EYS: variants seen among roughly 807,000 people sequenced by gnomAD.
EYS encodes the protein EGF-like photoreceptor maintenance factor, also known as protein eyes shut homolog.
In EYS, 250 loss-of-function variants were observed where a neutral mutation model predicts 282.1. The observed-to-expected ratio is 0.89, with a 90% CI of 0.80 to 0.98. The LOEUF is 0.98. Among genes scored for constraint, EYS ranks in the 50% least tolerant of loss-of-function variants. The probability of loss-of-function intolerance (pLI) is 0.00; values close to 1 mark genes in which losing one functional copy is unlikely to be tolerated. For missense variants in EYS, 4,016 were observed against 3,709.0 expected (o/e 1.08, Z -2.15); for synonymous variants, 1,355 against 1,282.9 (o/e 1.06, Z -1.20).
chr6:65,684,378 G>T (rs1303052473), intron 1 of EYS, among the ~76,000 whole-genome samples: 1 of 152,024 alleles, frequency 6.6e-6, no homozygotes, highest in Non-Finnish European at 1.5e-5. Flanking sequence ...TCTGTCAGAT[G>T]GTGGGAGGGG....
At chr6:64,997,089 T>C (rs1562293365) in intron 14 of EYS, among the ~76,000 whole-genome samples, 1 of 151,994 alleles carries the variant, frequency 6.6e-6, no homozygotes, top group Non-Finnish European at 1.5e-5. Flanking sequence ...AACATGCTTG[T>C]GACAAAGGTG....
intron 12 of EYS, among the ~76,000 whole-genome samples, chr6:65,087,010 A>G (rs998531458): frequency 1.3e-5 from 2 of 152,106 alleles, no homozygotes; most frequent in African/African-American, 4.8e-5. Context: ...TTTAGTAGAT[A>G]TGGGGTTTCA....
chr6:64,420,874 T>A (rs1446547671), intron 28 of EYS, among the ~76,000 whole-genome samples: 1 of 152,176 alleles, frequency 6.6e-6, no homozygotes, highest in African/African-American at 2.4e-5. Flanking sequence ...ACCATCAGCA[T>A]TTTGGTCAAA....
chr6:65,552,266 A>C (rs892220539), intron 2 of EYS, among the ~76,000 whole-genome samples: 13 of 152,174 alleles, frequency 8.5e-5, no homozygotes, highest in Non-Finnish European at 1.5e-4. Flanking sequence ...TTGTCTTTAA[A>C]GATTGCTTTT....
chr6:63,934,694 A>G (rs1304895980), intron 35 of EYS, among the ~76,000 whole-genome samples: 1 of 148,912 alleles, frequency 6.7e-6, no homozygotes, highest in East Asian at 2.0e-4. Flanking sequence ...GTGGGAATTG[A>G]ACAATGAGAA....
Position 64,414,160 on chromosome 6 carries a change from A to C in EYS, c.5927+22014T>G, listed in dbSNP as rs145230161. 3.4e-3 allele frequency among the ~76,000 whole-genome samples: 513 copies of C among 152,310 alleles called. 5 individuals carry two copies. The highest frequency in any genetic ancestry group is 7.5e-3 in the South Asian group (36 of 4,832). On this transcript the variant is annotated intron_variant, in intron 28 of 42. Coordinates refer to ENST00000503581, the MANE Select transcript of EYS (RefSeq NM_001142800.2). ...TTGTACAACTTTGTGAAATTTCAGG[A>C]GACTAAAAATAGAGAAGAAACCTTA...
intron 18 of EYS, among the ~76,000 whole-genome samples, chr6:64,893,067 T>C (rs537051927): frequency 5.5e-4 from 84 of 152,222 alleles, no homozygotes; most frequent in Admixed American, 1.6e-3. Flanking sequence ...TTGCAAATTC[T>C]ATTTAGTTGT....
chr6:64,830,122 T>G (rs1765171515), intron 19 of EYS, among the ~76,000 whole-genome samples: 1 of 151,934 alleles, frequency 6.6e-6, no homozygotes, highest in Admixed American at 6.6e-5. Flanking sequence ...TTAGTGCCCT[T>G]ATAAAATAGG....
chr6:65,157,577 T>C (rs1247958410), intron 12 of EYS, among the ~76,000 whole-genome samples: 1 of 150,614 alleles, frequency 6.6e-6, no homozygotes, highest in Admixed American at 6.6e-5. Context: ...ATTAATAGCA[T>C]AAAAATTACT....
intron 31 of EYS, among the ~76,000 whole-genome samples, chr6:64,198,328 C>CT (rs1212415930): frequency 1.3e-5 from 2 of 152,080 alleles, no homozygotes; most frequent in Non-Finnish European, 2.9e-5. Context: ...TATTATTATA[C>CT]TTTAAGTTCT....
intron 1 of EYS, among the ~76,000 whole-genome samples, chr6:65,666,445 G>C (rs1257696837): frequency 6.6e-6 from 1 of 151,714 alleles, no homozygotes; most frequent in Non-Finnish European, 1.5e-5. Flanking sequence ...GTTTTAAAAT[G>C]GGGATAATTA....
At chr6:64,542,781 A>T (rs1047810791) in intron 26 of EYS, among the ~76,000 whole-genome samples, 2 of 152,112 alleles carry the variant, frequency 1.3e-5, no homozygotes, top group Non-Finnish European at 2.9e-5. Context: ...AAGGAAAGTT[A>T]GCATCTATAT....
intron 12 of EYS, among the ~76,000 whole-genome samples, chr6:65,064,218 T>G (rs1403802621): frequency 2.8e-5 from 4 of 142,762 alleles, no homozygotes; most frequent in Non-Finnish European, 4.5e-5. Context: ...TACTATATAT[T>G]ATATATGTAT....
At chr6:64,156,740 C>T (rs773815983) in intron 31 of EYS, among the ~76,000 whole-genome samples, 4 of 152,094 alleles carry the variant, frequency 2.6e-5, no homozygotes, top group Non-Finnish European at 5.9e-5. Flanking sequence ...CAGCATTTTG[C>T]CCCTACCCTA....
At chr6:64,405,059 G>C (rs939894364) in intron 28 of EYS, among the ~76,000 whole-genome samples, 1 of 152,016 alleles carries the variant, frequency 6.6e-6, no homozygotes, top group African/African-American at 2.4e-5. Context: ...GTATGCCATG[G>C]TGGTTTGCTG....
In EYS at chr6:64,813,399, G is replaced by T; in HGVS notation, c.3422C>A (p.Pro1141His). The change falls in exon 22 of 43, where the codon CCT becomes CAT. Residue 1141 changes from proline (P) to histidine (H), a missense_variant. By Grantham distance (77) the Pro-to-His change is moderately conservative (BLOSUM62 -2). Transcript: ENST00000503581. ...TGACCTGCAGTCAAAAGTATGTCCAGGCCCATCAACACAGATCCCTCCATT... is the reference window on the plus strand; with the variant it reads ...TGACCTGCAGTCAAAAGTATGTCCATGCCCATCAACACAGATCCCTCCATT... ...CLNGGICVDGPGHTFDCRCLP... is the reference protein window; with the variant it reads ...CLNGGICVDGHGHTFDCRCLP... The T allele has an allele frequency of 1.2e-5, 19 of 1,547,202 alleles. No individual in the cohort carries two copies. Among genetic ancestry groups the T allele is most frequent in the Non-Finnish European group, 1.7e-5 (19 of 1,144,504 alleles).
At chr6:65,126,034 G>A (rs1561979327) in intron 12 of EYS, among the ~76,000 whole-genome samples, 1 of 152,060 alleles carries the variant, frequency 6.6e-6, no homozygotes. Flanking sequence ...ATAAAGCATA[G>A]ATTCCTAAAC....
At chr6:65,124,679 G>A (rs925367048) in intron 12 of EYS, among the ~76,000 whole-genome samples, 1 of 152,118 alleles carries the variant, frequency 6.6e-6, no homozygotes, top group Non-Finnish European at 1.5e-5. Context: ...TTAGGAACAT[G>A]CTTGTTAATC....
intron 31 of EYS, among the ~76,000 whole-genome samples, chr6:64,091,426 G>A (rs929374887): frequency 1.3e-5 from 2 of 152,182 alleles, no homozygotes; most frequent in African/African-American, 2.4e-5. Context: ...CTGGGCTGCT[G>A]TGATGCTTTA....
Sources: gnomAD v4.1 joint callset for allele counts (sites outside exome capture counted in the v4.1 genomes callset) on GRCh38, gnomAD v4.1.1 for gene constraint, MANE v1.5 for transcripts, NCBI Gene and HGNC (gene_info 2026-07-23, HGNC 2026-07-21) for gene names.